The following CACNG3 variants were observed in gnomAD, a reference collection of about 807,000 sequenced individuals.
The protein encoded by CACNG3 is voltage-dependent calcium channel gamma-3 subunit.
CACNG3 carries 3 observed loss-of-function variants against 28.5 expected under a neutral mutation model. The ratio of observed to expected loss-of-function variants is 0.11; its 90% CI spans 0.05 to 0.27. The LOEUF (loss-of-function observed/expected upper bound fraction) is 0.27, where lower values mean the gene tolerates loss of function less well. Among genes scored for constraint, CACNG3 ranks in the 10% least tolerant of loss-of-function variants. The pLI is 1.00. For synonymous variants in CACNG3, 174 were observed against 162.2 expected, an observed-to-expected ratio of 1.07 and a Z score of -0.55; for missense variants, 236 against 414.4, an observed-to-expected ratio of 0.57 and a Z score of 3.74.
intron 1 of CACNG3, among the ~76,000 whole-genome samples, chr16:24,298,758 T>A (rs1049159682): frequency 6.6e-6 from 1 of 152,214 alleles, no homozygotes; most frequent in Non-Finnish European, 1.5e-5. Context: ...CTTGGGTACC[T>A]CTAGACTGTG....
chr16:24,279,093 C>G (rs1431487969), intron 1 of CACNG3, among the ~76,000 whole-genome samples: 1 of 152,160 alleles, frequency 6.6e-6, no homozygotes, highest in Non-Finnish European at 1.5e-5. Context: ...GGGAGAATGG[C>G]AAGACTGGAG....
chr16:24,310,326 G>A (rs774617990), intron 1 of CACNG3, among the ~76,000 whole-genome samples: 15 of 152,238 alleles, frequency 9.9e-5, no homozygotes, highest in South Asian at 2.1e-4. Context: ...CACTTTGGGA[G>A]GCCAAGGTGG....
chr16:24,343,961 C>T (rs748498886), intron 1 of CACNG3, among the ~76,000 whole-genome samples: 8 of 151,526 alleles, frequency 5.3e-5, no homozygotes, highest in East Asian at 1.9e-4. Flanking sequence ...TGGTGGCAGG[C>T]GCCTTTAATC....
chr16:24,324,970 G>A (rs569331671), intron 1 of CACNG3, among the ~76,000 whole-genome samples: 3 of 152,254 alleles, frequency 2.0e-5, no homozygotes, highest in African/African-American at 7.2e-5. Flanking sequence ...CCCTTATGTT[G>A]AGGGTCTTTT....
chr16:24,277,133 C>T (rs555887046), intron 1 of CACNG3, among the ~76,000 whole-genome samples: 7 of 152,264 alleles, frequency 4.6e-5, no homozygotes, highest in African/African-American at 1.7e-4. Context: ...AACCTCACAT[C>T]CATTCCTCCT....
At chr16:24,336,321 G>T (rs550025827) in intron 1 of CACNG3, among the ~76,000 whole-genome samples, 1 of 151,446 alleles carries the variant, frequency 6.6e-6, no homozygotes, top group African/African-American at 2.4e-5. Flanking sequence ...TCCCAGGCTG[G>T]ACTGTAGTGG....
intron 1 of CACNG3, among the ~76,000 whole-genome samples, chr16:24,285,933 C>A (rs1324942404): frequency 6.6e-6 from 1 of 151,426 alleles, no homozygotes; most frequent in Non-Finnish European, 1.5e-5. Flanking sequence ...CACCTCCACC[C>A]ACTAGGCTTA....
At chr16:24,298,569 C>T (rs1029835357) in intron 1 of CACNG3, among the ~76,000 whole-genome samples, 5 of 152,182 alleles carry the variant, frequency 3.3e-5, no homozygotes, top group Admixed American at 6.5e-5. Context: ...TTCCTGCCCA[C>T]ATCCAGTTCC....
chr16:24,319,109 A>T (rs1270892123), intron 1 of CACNG3, among the ~76,000 whole-genome samples: 1 of 152,240 alleles, frequency 6.6e-6, no homozygotes, highest in Non-Finnish European at 1.5e-5. Context: ...TTTGAAAATA[A>T]ATTTAAGTTA....
At chr16:24,309,429 A>G (rs13331169) in intron 1 of CACNG3, among the ~76,000 whole-genome samples, 37,811 of 152,144 alleles carry the variant, frequency 0.25, 4,840 homozygotes, top group Admixed American at 0.28. Context: ...TATGAGCCAC[A>G]CAATGTTTCC....
intron 1 of CACNG3, among the ~76,000 whole-genome samples, chr16:24,278,047 G>A (rs1350656822): frequency 6.6e-6 from 1 of 152,074 alleles, no homozygotes; most frequent in Admixed American, 6.6e-5. Context: ...TCAGGTCCCA[G>A]GTAGAAACAG....
chr16:24,316,606 C>G (rs886492092), intron 1 of CACNG3, among the ~76,000 whole-genome samples: 11 of 152,178 alleles, frequency 7.2e-5, no homozygotes, highest in African/African-American at 2.7e-4. Flanking sequence ...GTGCTCTGGG[C>G]ACCTTCCCAG....
intron 1 of CACNG3, among the ~76,000 whole-genome samples, chr16:24,278,756 C>A (rs540342029): frequency 3.3e-5 from 5 of 152,116 alleles, no homozygotes; most frequent in Non-Finnish European, 7.4e-5. Context: ...GATTAAAAAC[C>A]TTAGGCACAG....
chr16:24,348,091 G>C (rs548637842), intron 2 of CACNG3, among the ~76,000 whole-genome samples: 1 of 152,254 alleles, frequency 6.6e-6, no homozygotes, highest in East Asian at 1.9e-4. Flanking sequence ...GCAAGAATTT[G>C]TGTTGGATTC....
At chr16:24,274,085 G>T (rs2141348524) in intron 1 of CACNG3, among the ~76,000 whole-genome samples, 1 of 151,686 alleles carries the variant, frequency 6.6e-6, no homozygotes, top group East Asian at 1.9e-4. Context: ...TACTCTGAAG[G>T]CTGAGGCAAG....
intron 2 of CACNG3, among the ~76,000 whole-genome samples, chr16:24,350,232 C>G (rs1477881907): frequency 6.6e-6 from 1 of 152,170 alleles, no homozygotes; most frequent in Admixed American, 6.5e-5. Context: ...GGGGTCTCCC[C>G]ACCAATGGTT....
chr16:24,352,198 G>A (rs946877445), intron 2 of CACNG3, among the ~76,000 whole-genome samples: 3 of 151,992 alleles, frequency 2.0e-5, no homozygotes, highest in South Asian at 2.1e-4. Flanking sequence ...GAAAACGGCC[G>A]GAGCTAAACA....
At chr16:24,320,453 G>C (rs896642381) in intron 1 of CACNG3, among the ~76,000 whole-genome samples, 12 of 152,304 alleles carry the variant, frequency 7.9e-5, no homozygotes, top group East Asian at 1.9e-4. Context: ...GTTTGCTGCT[G>C]TATAAAATCC....
At chr16:24,300,967 T>A (rs1412884768) in intron 1 of CACNG3, among the ~76,000 whole-genome samples, 1 of 147,284 alleles carries the variant, frequency 6.8e-6, no homozygotes, top group African/African-American at 2.6e-5. Flanking sequence ...CGCTTGAACC[T>A]GGGAGGTGGA....
Sources: allele counts gnomAD v4.1 joint callset (sites outside exome capture counted in the v4.1 genomes callset), GRCh38; gene constraint gnomAD v4.1.1; transcripts MANE v1.5; gene names NCBI Gene and HGNC (gene_info 2026-07-23, HGNC 2026-07-21).